SHISA9: variants seen among roughly 807,000 people sequenced by gnomAD.
The protein encoded by SHISA9 is shisa family member 9.
In SHISA9, 13 loss-of-function variants were observed where a neutral mutation model predicts 38.0. That is an observed-to-expected ratio of 0.34 (90% CI 0.22 to 0.54). The LOEUF is 0.54. Ranked by LOEUF, SHISA9 falls within the 20% of genes least tolerant of loss-of-function variation. SHISA9 has a pLI of 0.91. For synonymous variants in SHISA9, 275 were observed against 242.0 expected (o/e 1.14, Z -1.27); for missense variants, 538 against 575.8 (o/e 0.93, Z 0.67).
At chr16:13,479,570 A>G in the SHISA9 span, among the ~76,000 whole-genome samples, 1 of 152,046 alleles carries the variant, frequency 6.6e-6, no homozygotes, top group Non-Finnish European at 1.5e-5. Flanking sequence ...CCTCCATTTC[A>G]TCATGCAATT....
chr16:13,397,128 A>G, the SHISA9 span, among the ~76,000 whole-genome samples: 4 of 152,244 alleles, frequency 2.6e-5, no homozygotes, highest in Admixed American at 6.5e-5. Context: ...AGCTTAAATT[A>G]ACTGTAAGAA....
At chr16:13,354,056 A>T in the SHISA9 span, among the ~76,000 whole-genome samples, 4,222 of 147,224 alleles carry the variant, frequency 0.029, 201 homozygotes, top group African/African-American at 0.097. Flanking sequence ...TATTTTAGTT[A>T]TCTGACTCAG....
the SHISA9 span, among the ~76,000 whole-genome samples, chr16:13,262,036 G>C: frequency 6.6e-6 from 1 of 152,136 alleles, no homozygotes; most frequent in Non-Finnish European, 1.5e-5. Flanking sequence ...AGATAACATA[G>C]ACATTAATTA....
At chr16:12,923,194 C>G (rs1002918644) in intron 2 of SHISA9, among the ~76,000 whole-genome samples, 1 of 152,062 alleles carries the variant, frequency 6.6e-6, no homozygotes, top group Non-Finnish European at 1.5e-5. Context: ...ACTAATCTAC[C>G]ATGATGACTG....
At chr16:13,123,999 C>T (rs1408977396) in intron 2 of SHISA9, among the ~76,000 whole-genome samples, 1 of 152,216 alleles carries the variant, frequency 6.6e-6, no homozygotes, top group Admixed American at 6.5e-5. Context: ...TTTCCATGCA[C>T]CGCATCGTAT....
At chr16:13,097,392 C>G (rs1015201617) in intron 2 of SHISA9, among the ~76,000 whole-genome samples, 11 of 151,832 alleles carry the variant, frequency 7.2e-5, no homozygotes, top group African/African-American at 2.7e-4. Flanking sequence ...GGTGGAATGC[C>G]CGACATCATA....
the SHISA9 span, among the ~76,000 whole-genome samples, chr16:13,425,225 G>A: frequency 3.3e-5 from 5 of 151,930 alleles, no homozygotes; most frequent in South Asian, 8.3e-4. Flanking sequence ...TGCGTGCGGT[G>A]GCTCACACCT....
chr16:13,355,667 T>C, the SHISA9 span, among the ~76,000 whole-genome samples: 2 of 152,102 alleles, frequency 1.3e-5, no homozygotes, highest in Admixed American at 6.5e-5. Flanking sequence ...ACAACAGTTA[T>C]GGAGGCAAGG....
the SHISA9 span, among the ~76,000 whole-genome samples, chr16:13,411,989 T>C: frequency 6.6e-6 from 1 of 151,602 alleles, no homozygotes. Flanking sequence ...TGTGAAAAAA[T>C]TTTTCAGAGG....
At chr16:12,983,730 C>A (rs1401319587) in intron 2 of SHISA9, among the ~76,000 whole-genome samples, 1 of 152,178 alleles carries the variant, frequency 6.6e-6, no homozygotes, top group Non-Finnish European at 1.5e-5. Flanking sequence ...CCTTGTGATC[C>A]ACCTGCCTCA....
the SHISA9 span, among the ~76,000 whole-genome samples, chr16:13,497,209 T>C: frequency 6.6e-6 from 1 of 152,228 alleles, no homozygotes; most frequent in Non-Finnish European, 1.5e-5. Flanking sequence ...GATACTTTGA[T>C]ACATGTTTAC....
chr16:13,373,861 G>A, the SHISA9 span, among the ~76,000 whole-genome samples: 3 of 152,094 alleles, frequency 2.0e-5, no homozygotes, highest in African/African-American at 4.8e-5. Flanking sequence ...TTAGCACAGA[G>A]GCCCACACAG....
At chr16:13,520,459 C>T in the SHISA9 span, among the ~76,000 whole-genome samples, 3 of 151,534 alleles carry the variant, frequency 2.0e-5, no homozygotes, top group South Asian at 2.1e-4. Context: ...AAAAATTAGC[C>T]GGTCATGGTG....
intron 4 of SHISA9, among the ~76,000 whole-genome samples, chr16:13,228,701 TA>T (rs199850852): frequency 6.0e-5 from 9 of 151,160 alleles, no homozygotes; most frequent in South Asian, 2.1e-4. Context: ...TTTGCTCATA[TA>T]TTTTTTTTAA....
the SHISA9 span, among the ~76,000 whole-genome samples, chr16:13,379,422 A>G: frequency 6.6e-6 from 1 of 152,096 alleles, no homozygotes; most frequent in Non-Finnish European, 1.5e-5. Context: ...AGAGCTTTTC[A>G]CGAAGAAGGA....
chr16:12,936,593 G>C (rs932951345), intron 2 of SHISA9, among the ~76,000 whole-genome samples: 1 of 152,236 alleles, frequency 6.6e-6, no homozygotes, highest in African/African-American at 2.4e-5. Flanking sequence ...GCTTCAGACA[G>C]ACTCACTTCC....
At chr16:13,456,106 A>T in the SHISA9 span, among the ~76,000 whole-genome samples, 1 of 152,222 alleles carries the variant, frequency 6.6e-6, no homozygotes, top group Non-Finnish European at 1.5e-5. Flanking sequence ...AGATGTAAGG[A>T]CTGCTAAGAA....
At chr16:12,914,484 C>T (rs564976489) in intron 1 of SHISA9, among the ~76,000 whole-genome samples, 5 of 152,140 alleles carry the variant, frequency 3.3e-5, no homozygotes, top group East Asian at 3.9e-4. Context: ...ACATAGTAGA[C>T]GATAAATATT....
intron 2 of SHISA9, among the ~76,000 whole-genome samples, chr16:13,026,918 C>A (rs767929431): frequency 6.6e-6 from 1 of 152,156 alleles, no homozygotes; most frequent in Admixed American, 6.5e-5. Flanking sequence ...AGTGCCCCTC[C>A]CCTCCTTGAT....
Sources: gnomAD v4.1 joint callset for allele counts (sites outside exome capture counted in the v4.1 genomes callset) on GRCh38, gnomAD v4.1.1 for gene constraint, MANE v1.5 for transcripts, NCBI Gene and HGNC (gene_info 2026-07-23, HGNC 2026-07-21) for gene names.